The following LARGE1 variants were observed in gnomAD, a reference collection of about 807,000 sequenced individuals.
LARGE1 encodes LARGE xylosyl- and glucuronyltransferase 1, also known as xylosyl- and glucuronyltransferase LARGE1.
In LARGE1, 43 loss-of-function variants were observed where a neutral mutation model predicts 87.6. The ratio of observed to expected loss-of-function variants is 0.49; its 90% confidence interval spans 0.38 to 0.63. The LOEUF is 0.63. Among genes scored for constraint, LARGE1 ranks in the 30% least tolerant of loss-of-function variants. LARGE1 has a pLI of 0.00. For synonymous variants in LARGE1, 434 were observed against 394.6 expected, an observed-to-expected ratio of 1.10 and a Z score of -1.18; for missense variants, 802 against 1,000.2, an observed-to-expected ratio of 0.80 and a Z score of 2.67.
intron 11 of LARGE1, among the ~76,000 whole-genome samples, chr22:33,234,552 G>GTTTTGT (rs1044036075): frequency 1.3e-5 from 2 of 151,964 alleles, no homozygotes; most frequent in African/African-American, 4.8e-5. Context: ...GTTTTGTTTT[G>GTTTTGT]TTTTTTGAGA....
chr22:33,694,270 A>G (rs939223286), intron 2 of LARGE1, among the ~76,000 whole-genome samples: 1 of 152,216 alleles, frequency 6.6e-6, no homozygotes, highest in African/African-American at 2.4e-5. Flanking sequence ...ATTCTTAGCG[A>G]TGCTGTCTAA....
intron 1 of LARGE1, among the ~76,000 whole-genome samples, 182 bp from the exon 2 acceptor site, chr22:33,761,740 ATAAG>A (rs1185653596): frequency 2.8e-4 from 42 of 150,744 alleles, no homozygotes; most frequent in African/African-American, 1.0e-3. Context: ...CAATAAATAA[ATAAG>A]TAAATAACAA....
At chr22:33,729,121 T>C (rs866277287) in intron 2 of LARGE1, among the ~76,000 whole-genome samples, 1 of 152,230 alleles carries the variant, frequency 6.6e-6, no homozygotes, top group Non-Finnish European at 1.5e-5. Flanking sequence ...GTTTCATTTA[T>C]AATATAAACC....
At chr22:33,531,532 T>A (rs2072202735) in intron 6 of LARGE1, among the ~76,000 whole-genome samples, 1 of 152,214 alleles carries the variant, frequency 6.6e-6, no homozygotes, top group African/African-American at 2.4e-5. Context: ...CCACACTTCC[T>A]TTTGAGAAGC....
chr22:33,442,205 G>A (rs777556526), intron 6 of LARGE1, among the ~76,000 whole-genome samples: 6 of 152,152 alleles, frequency 3.9e-5, no homozygotes, highest in Non-Finnish European at 8.8e-5. Context: ...TCCGATCACC[G>A]GAATGGTTCT....
the LARGE1 span, among the ~76,000 whole-genome samples, chr22:33,115,257 T>G: frequency 1.3e-5 from 2 of 151,762 alleles, no homozygotes; most frequent in Non-Finnish European, 2.9e-5. Flanking sequence ...ACATGAGAAG[T>G]GGGGGATATG....
chr22:33,445,736 A>C (rs1601870766), intron 6 of LARGE1, among the ~76,000 whole-genome samples: 1 of 141,010 alleles, frequency 7.1e-6, no homozygotes, highest in African/African-American at 2.7e-5. Context: ...TGCAACCTCC[A>C]CCTCCCGGAT....
rs1236292562 is a variant in LARGE1 at position 33,446,363 on chromosome 22, G to A, written c.788-14098C>T. On this transcript the variant is annotated intron_variant, in intron 6 of 14. Coordinates refer to ENST00000397394, the MANE Select transcript of LARGE1 (RefSeq NM_133642.5). ...CTCTGTATCCTTCTAAGAAATTATG[G>A]AACCTGAGGTGAGTGCTATGGAAAC... is the stretch of plus-strand genomic sequence containing the variant. Among the ~76,000 whole-genome samples the A allele has an allele frequency of 2.0e-5, 3 of 152,138 alleles. No homozygotes were observed. In the East Asian group the frequency reaches 5.8e-4, roughly 29 times the overall value.
chr22:33,743,155 A>G (rs533426503), intron 2 of LARGE1: 37 of 152,200 alleles, frequency 2.4e-4, no homozygotes, highest in African/African-American at 8.2e-4. Context: ...CCTCCCCAGA[A>G]GCCAAGCAGA....
At chr22:33,274,773 G>C (rs1928871634) in intron 14 of LARGE1, 149 bp from the exon 15 acceptor site, 1 of 755,418 alleles carries the variant, frequency 1.3e-6, no homozygotes, top group Non-Finnish European at 2.3e-6. Context: ...AACAGCTTTG[G>C]AGTGGGGTAA....
chr22:33,223,527 C>T lies in LARGE1; in HGVS notation c.1731-56695G>A, dbSNP rs142771527. ...CAAGCAATGCCTAAGATGAGAATGA[C>T]GCCCTCCAGTGTTGTGTGGTGCCCA... On this transcript the variant is annotated intron_variant, in intron 11 of 11. Coordinates refer to the LARGE1 transcript ENST00000608642. 1.6e-4 allele frequency among the ~76,000 whole-genome samples: 25 copies of T among 152,300 alleles called. No individual in the cohort carries two copies. In the East Asian group the frequency reaches 3.9e-3, roughly 23 times the overall value.
At chr22:33,883,484 G>T (rs1227314619) in intron 1 of LARGE1, among the ~76,000 whole-genome samples, 1 of 152,166 alleles carries the variant, frequency 6.6e-6, no homozygotes, top group Non-Finnish European at 1.5e-5. Context: ...GCTACCTGGG[G>T]CCAATGCACA....
chr22:33,274,743 CA>C, intron 14 of LARGE1, 119 bp from the exon 15 acceptor site: 1 of 882,678 alleles, frequency 1.1e-6, no homozygotes, highest in South Asian at 1.4e-5. Context: ...CACCCACAAG[CA>C]GATGGCAAAG....
intron 11 of LARGE1, among the ~76,000 whole-genome samples, chr22:33,313,904 G>A (rs1434284068): frequency 6.6e-6 from 1 of 152,310 alleles, no homozygotes; most frequent in Non-Finnish European, 1.5e-5. Context: ...TACTTTTTAA[G>A]CTGCTCAATG....
intron 6 of LARGE1, among the ~76,000 whole-genome samples, chr22:33,503,617 G>A (rs1261480270): frequency 6.6e-6 from 1 of 151,900 alleles, no homozygotes; most frequent in East Asian, 1.9e-4. Context: ...TGGCCAATAT[G>A]GTGAAACCAC....
chr22:33,259,597 A>T (rs765563348), intron 11 of LARGE1, among the ~76,000 whole-genome samples: 3 of 152,228 alleles, frequency 2.0e-5, no homozygotes, highest in Admixed American at 6.5e-5. Context: ...TACAGAGCTT[A>T]TTCTGATTAA....
chr22:33,589,354 T>C lies in LARGE1; in HGVS notation c.615+15081A>G, dbSNP rs139163670. ...ATAAGTGACAAGTAAATGTTGGCTA[T>C]TGATTTTGATTACCATTTTGCAAAT... is the stretch of plus-strand genomic sequence containing the variant. On this transcript the variant is annotated intron_variant, in intron 5 of 14. Coordinates refer to ENST00000397394, the MANE Select transcript of LARGE1 (RefSeq NM_133642.5). Among the ~76,000 whole-genome samples the C allele has an allele frequency of 7.9e-5, 12 of 152,340 alleles. No individual in the cohort carries two copies. The East Asian group carries it at 2.1e-3, about 27-fold the overall frequency.
At chr22:33,693,400 GAA>G (rs140433459) in intron 2 of LARGE1, among the ~76,000 whole-genome samples, 168 of 138,654 alleles carry the variant, frequency 1.2e-3, no homozygotes, top group African/African-American at 3.9e-3. Context: ...CAACTGAAAT[GAA>G]AAAAAAAAAA....
exon 12 of LARGE1, chr22:33,164,850 A>T (rs1053832498): frequency 2.0e-5 from 3 of 152,218 alleles, no homozygotes; most frequent in African/African-American, 7.2e-5. Context: ...AATTACCACG[A>T]ACTCTCATCC....
Sources: gnomAD v4.1 joint callset for allele counts (sites outside exome capture counted in the v4.1 genomes callset) on GRCh38, gnomAD v4.1.1 for gene constraint, MANE v1.5 for transcripts, NCBI Gene and HGNC (gene_info 2026-07-23, HGNC 2026-07-21) for gene names.